Variants in CDH22 observed in about 807,000 individuals in gnomAD.
CDH22 encodes the protein cadherin 22, also known as cadherin-22.
In CDH22, 30 loss-of-function variants were observed where a neutral mutation model predicts 58.4. The ratio of observed to expected loss-of-function variants is 0.51; its 90% CI spans 0.38 to 0.70. The LOEUF (loss-of-function observed/expected upper bound fraction) is 0.70. CDH22 is among the 30% of genes least tolerant of loss of function. CDH22 has a pLI of 0.00. For synonymous variants in CDH22, 513 were observed against 558.2 expected (o/e 0.92, Z 1.14); for missense variants, 1,014 against 1,233.9 (o/e 0.82, Z 2.67).
chr20:46,303,197 TCTC>T (rs1481026124), intron 1 of CDH22, among the ~76,000 whole-genome samples: 1 of 152,132 alleles, frequency 6.6e-6, no homozygotes, highest in Admixed American at 6.5e-5. Flanking sequence ...CTCTGTGTGT[TCTC>T]CTTCAGCCAA....
chr20:46,227,374 A>ACAAGGTGCCCCCTGTGCTGTCCT (rs2086183285), intron 4 of CDH22, 134 bp downstream of exon 4: 2 of 833,262 alleles, frequency 2.4e-6, no homozygotes, highest in Non-Finnish European at 3.8e-6. Flanking sequence ...CCTGCTGTGC[A>ACAAGGTGCCCCCTGTGCTGTCCT]CAAGGTGCCC....
At chr20:46,291,121 A>G (rs950475905) in intron 1 of CDH22, among the ~76,000 whole-genome samples, 2 of 152,152 alleles carry the variant, frequency 1.3e-5, no homozygotes, top group East Asian at 3.9e-4. Context: ...TACTAAAAAT[A>G]CAAAAATTAG....
intron 1 of CDH22, among the ~76,000 whole-genome samples, chr20:46,287,379 A>G (rs1305324547): frequency 6.6e-6 from 1 of 152,178 alleles, no homozygotes; most frequent in Non-Finnish European, 1.5e-5. Flanking sequence ...TGATGACTAT[A>G]AAAGAAAGGT....
chr20:46,181,534 A>C (rs909900102), intron 10 of CDH22, among the ~76,000 whole-genome samples: 1 of 152,056 alleles, frequency 6.6e-6, no homozygotes, highest in Non-Finnish European at 1.5e-5. Context: ...GCAGGCGGTC[A>C]TTGTGGAAAG....
rs965664728 is a variant in CDH22, at chr20:46,251,252, C to T, written c.43G>A (p.Ala15Thr). The stretch of plus-strand genomic sequence containing the variant: ...AGCAGCAGTAGCGCGGGGGACAGCG[C>T]GACTCCCGCCCGGAGCCCCCTACCT... ...PEGRGLRAGV[A>T]LSPALLLLLL... is the part of the protein sequence containing the mutation. The change falls in exon 2 of 12, where the codon GCG (alanine) becomes ACG (threonine). Residue 15 changes from alanine to threonine, a missense_variant. Physicochemically the swap from Ala to Thr is moderately conservative, Grantham distance 58. This residue lies in a region of CDH22 where 806 missense variants were observed against 1,038.7 expected (regional missense o/e 0.78). Transcript: ENST00000537909. This position sits in a 1 kb window ranked among gnomAD's most constrained non-coding sequence, Gnocchi z 6.7. 2.7e-6 allele frequency: 4 copies of T among 1,469,160 alleles called. No homozygotes were observed. Among genetic ancestry groups the T allele is most frequent in the South Asian group, 1.3e-5 (1 of 76,100 alleles). 91.0% of individuals were successfully genotyped at this position (1,469,160 alleles called of 1,614,324 possible).
At position 46,241,087 on chromosome 20, in the gene CDH22, G is replaced by A. The variant is rs922430357; in HGVS notation, c.426C>T (p.Arg142=). 1.7e-5 allele frequency: 27 copies of A among 1,614,148 alleles called. No homozygotes were observed. In the East Asian group the frequency reaches 3.3e-4, roughly 20 times the overall value. The part of the protein sequence containing the change: ...FYTLRAQARD[R]ATNRLLEPES... ...CGGGCTCCAGTAGGCGGTTGGTGGC[G>A]CGATCCCGAGCCTGGGCCCGCAGCG... Residue 142 remains arginine (R), a synonymous_variant, in exon 3 of 12, where the codon CGC becomes CGT. Transcript: ENST00000537909. The surrounding 1 kb of genome is among the most constrained non-coding windows in gnomAD (Gnocchi z 5.2).
chr20:46,214,802 C>A lies in CDH22; in HGVS notation c.839-1614G>T, dbSNP rs2086071626. On this transcript the variant is annotated intron_variant, in intron 5 of 11. Transcript: ENST00000537909. ...TGCTCCCTTGGCCCCCAAGCTTATC[C>A]CATTGTTAGAATTACTGCGTTTTTA... Among the ~76,000 whole-genome samples the A allele has an allele frequency of 2.0e-5, 3 of 152,332 alleles. No homozygotes were observed. The South Asian group carries it at 6.2e-4, about 32-fold the overall frequency.
intron 7 of CDH22, among the ~76,000 whole-genome samples, chr20:46,206,019 T>C (rs1446336379): frequency 6.6e-6 from 1 of 152,192 alleles, no homozygotes; most frequent in Non-Finnish European, 1.5e-5. Flanking sequence ...CACCCCTCCC[T>C]GGAGCTCCTC....
At chr20:46,307,685 A>G (rs2059030124) in intron 1 of CDH22, among the ~76,000 whole-genome samples, 1 of 151,796 alleles carries the variant, frequency 6.6e-6, no homozygotes, top group Non-Finnish European at 1.5e-5. Flanking sequence ...CCGCGGCTGG[A>G]GTCAGCCTCC....
chr20:46,194,259 G>T (rs1182409102), intron 8 of CDH22, among the ~76,000 whole-genome samples: 1 of 152,172 alleles, frequency 6.6e-6, no homozygotes, highest in Non-Finnish European at 1.5e-5. Flanking sequence ...GGTGACAAGA[G>T]GCCCCAGAAA....
At chr20:46,252,246 C>T (rs1391080038) in intron 1 of CDH22, among the ~76,000 whole-genome samples, 1 of 152,180 alleles carries the variant, frequency 6.6e-6, no homozygotes, top group African/African-American at 2.4e-5. Flanking sequence ...GTGCTCGTAC[C>T]CCCACACCAG....
intron 3 of CDH22, among the ~76,000 whole-genome samples, chr20:46,237,955 C>T (rs1230930223): frequency 2.0e-5 from 3 of 152,110 alleles, no homozygotes. Context: ...GGGATGCTAC[C>T]ATTAGTCCTG....
chr20:46,288,150 T>A (rs1413806883), intron 1 of CDH22, among the ~76,000 whole-genome samples: 2 of 152,170 alleles, frequency 1.3e-5, no homozygotes, highest in East Asian at 3.9e-4. Context: ...CCCTTGCATG[T>A]ACTGTTCCAG....
chr20:46,294,957 G>A, intron 1 of CDH22, among the ~76,000 whole-genome samples: 1 of 152,228 alleles, frequency 6.6e-6, no homozygotes, highest in East Asian at 1.9e-4. Flanking sequence ...CTGAGGAGGG[G>A]TTTCTTCTTC....
chr20:46,305,366 C>T (rs2086670112), intron 1 of CDH22, among the ~76,000 whole-genome samples: 1 of 152,186 alleles, frequency 6.6e-6, no homozygotes, highest in Non-Finnish European at 1.5e-5. Context: ...TTTGAGGAAC[C>T]CGGGGTGGAG....
intron 5 of CDH22, among the ~76,000 whole-genome samples, chr20:46,214,097 A>C (rs2086064430): frequency 6.6e-6 from 1 of 152,088 alleles, no homozygotes; most frequent in Admixed American, 6.5e-5. Flanking sequence ...GATATTTGGG[A>C]AAGAGTATTC....
At chr20:46,239,655 G>A (rs1024697991) in intron 3 of CDH22, among the ~76,000 whole-genome samples, 1 of 152,258 alleles carries the variant, frequency 6.6e-6, no homozygotes, top group Non-Finnish European at 1.5e-5. Context: ...TTTGGCCACA[G>A]CGAGTCAGCA....
chr20:46,235,382 AT>A (rs1229305530), intron 3 of CDH22, among the ~76,000 whole-genome samples: 2 of 152,158 alleles, frequency 1.3e-5, no homozygotes, highest in African/African-American at 2.4e-5. Context: ...CTCCCTGTTG[AT>A]GTATGCAGCA....
Position 46,213,200 on chromosome 20 carries a change from A to G in CDH22, c.839-12T>C, listed in dbSNP as rs1399233243. The G allele has an allele frequency of 6.2e-7, 1 of 1,613,362 alleles. No homozygotes were observed. Among genetic ancestry groups the G allele is most frequent in the East Asian group, 2.2e-5 (1 of 44,868 alleles). On this transcript the variant is annotated splice_polypyrimidine_tract_variant and intron_variant, in intron 5 of 11. Transcript: ENST00000537909. Reference sequence around the variant, plus strand: ...GAACTGGTACATCTCTGTGGGGGACACGGCCATGAGCAGGGATGAAGGCAG... The same window carrying G: ...GAACTGGTACATCTCTGTGGGGGACGCGGCCATGAGCAGGGATGAAGGCAG...
Sources: gnomAD v4.1 joint callset for allele counts (sites outside exome capture counted in the v4.1 genomes callset) on GRCh38, gnomAD v4.1.1 for gene constraint, gnomAD v4.1.1 regional missense constraint, Gnocchi (gnomAD v3.1) non-coding constraint, MANE v1.5 for transcripts, NCBI Gene and HGNC (gene_info 2026-07-23, HGNC 2026-07-21) for gene names.